The following C9orf85 variants were observed in gnomAD, a reference collection of about 807,000 sequenced individuals.
The protein encoded by C9orf85 is chromosome 9 open reading frame 85.
In C9orf85, 16 loss-of-function variants were observed where a neutral mutation model predicts 14.9. The ratio of observed to expected loss-of-function variants is 1.08; its 90% CI spans 0.73 to 1.63. The LOEUF is 1.63. Ranked by LOEUF, C9orf85 falls within the 40% of genes most tolerant of loss-of-function variation. C9orf85 has a pLI of 0.00. For synonymous variants in C9orf85, 45 were observed against 56.8 expected (o/e 0.79, Z 0.93); for missense variants, 172 against 186.1 (o/e 0.92, Z 0.44).
intron 1 of C9orf85, among the ~76,000 whole-genome samples, chr9:71,916,535 C>T (rs1405219068): frequency 6.6e-6 from 1 of 152,072 alleles, no homozygotes; most frequent in Non-Finnish European, 1.5e-5. Flanking sequence ...TACATAATAC[C>T]TATTGAACTA....
intron 2 of C9orf85, among the ~76,000 whole-genome samples, chr9:71,968,202 C>T (rs1822752544): frequency 6.6e-6 from 1 of 151,798 alleles, no homozygotes; most frequent in African/African-American, 2.4e-5. Context: ...GATTTGCTAA[C>T]ATTTTGTCAT....
chr9:71,975,383 G>C (rs1447262345), downstream of C9orf85, among the ~76,000 whole-genome samples: 1 of 150,404 alleles, frequency 6.6e-6, no homozygotes, highest in Non-Finnish European at 1.5e-5. Context: ...AAAGGTTGCA[G>C]TGAGCCAAGA....
At chr9:71,921,873 T>C (rs1463345083) in intron 1 of C9orf85, among the ~76,000 whole-genome samples, 1 of 152,072 alleles carries the variant, frequency 6.6e-6, no homozygotes, top group Non-Finnish European at 1.5e-5. Flanking sequence ...ACTGAGCTAC[T>C]CTCTTGAAAC....
At chr9:71,930,451 A>G (rs980021324) in intron 1 of C9orf85, among the ~76,000 whole-genome samples, 1 of 152,028 alleles carries the variant, frequency 6.6e-6, no homozygotes, top group African/African-American at 2.4e-5. Flanking sequence ...GTTAATTATG[A>G]TTTGCCACTT....
chr9:71,952,722 AG>A (rs1323300335), intron 2 of C9orf85, among the ~76,000 whole-genome samples: 4 of 152,182 alleles, frequency 2.6e-5, no homozygotes, highest in Admixed American at 6.5e-5. Flanking sequence ...TTTTGCTTTC[AG>A]GCCCTGAAAT....
intron 2 of C9orf85, among the ~76,000 whole-genome samples, chr9:71,954,907 G>A (rs1822344414): frequency 6.6e-6 from 1 of 152,142 alleles, no homozygotes; most frequent in African/African-American, 2.4e-5. Flanking sequence ...CCATAAGGCT[G>A]CCTTCCTAAC....
chr9:71,970,425 A>G (rs1822828530), intron 2 of C9orf85, among the ~76,000 whole-genome samples: 1 of 152,204 alleles, frequency 6.6e-6, no homozygotes, highest in Admixed American at 6.5e-5. Flanking sequence ...TCCTTATAAT[A>G]ATATACTTCC....
chr9:71,924,486 G>T (rs1191779693), intron 1 of C9orf85, among the ~76,000 whole-genome samples: 2 of 152,118 alleles, frequency 1.3e-5, no homozygotes, highest in African/African-American at 4.8e-5. Flanking sequence ...ATGGAGTTAT[G>T]TATATGTAAT....
intron 1 of C9orf85, 47 bp downstream of exon 1, chr9:71,911,883 CT>C: frequency 6.5e-7 from 1 of 1,537,092 alleles, no homozygotes; most frequent in Non-Finnish European, 9.0e-7. Flanking sequence ...GAAGGAATGG[CT>C]CACTGGAGAG....
intron 3 of C9orf85, among the ~76,000 whole-genome samples, chr9:71,972,329 G>A (rs1822897652): frequency 6.6e-6 from 1 of 151,748 alleles, no homozygotes; most frequent in Non-Finnish European, 1.5e-5. Context: ...GCACGATCTT[G>A]GCTCACTGCA....
chr9:71,947,799 A>G (rs1822138127), intron 2 of C9orf85, among the ~76,000 whole-genome samples: 1 of 152,070 alleles, frequency 6.6e-6, no homozygotes, highest in Non-Finnish European at 1.5e-5. Flanking sequence ...GCCCACCACC[A>G]TGCCTGGCTA....
chr9:71,968,938 C>T (rs1003602285), intron 2 of C9orf85, among the ~76,000 whole-genome samples: 4 of 151,370 alleles, frequency 2.6e-5, no homozygotes, highest in African/African-American at 4.9e-5. Context: ...GCAGGAAAGA[C>T]GGTTATGGAA....
chr9:71,966,739 G>C (rs532907532), intron 2 of C9orf85, among the ~76,000 whole-genome samples: 1 of 152,146 alleles, frequency 6.6e-6, no homozygotes, highest in Non-Finnish European at 1.5e-5. Flanking sequence ...AGTTATGAGT[G>C]GGGGAGAAGA....
At chr9:71,981,750 T>G (rs1589279154) in intron 3 of C9orf85, among the ~76,000 whole-genome samples, 3 of 152,332 alleles carry the variant, frequency 2.0e-5, no homozygotes, top group Admixed American at 2.0e-4. Context: ...GGGCTATGAT[T>G]TTTTTGCTGT....
At chr9:71,938,321 C>T (rs375351409) in intron 1 of C9orf85, among the ~76,000 whole-genome samples, 3 of 151,980 alleles carry the variant, frequency 2.0e-5, no homozygotes, top group Non-Finnish European at 4.4e-5. Flanking sequence ...GATAAAAAAG[C>T]GAAGCAAGTT....
chr9:71,950,854 A>T (rs1441309534), intron 2 of C9orf85, among the ~76,000 whole-genome samples: 1 of 152,174 alleles, frequency 6.6e-6, no homozygotes, highest in Non-Finnish European at 1.5e-5. Flanking sequence ...TATAAGTGAC[A>T]TTTCTTTTAG....
chr9:71,946,907 G>C, intron 1 of C9orf85, 99 bp from the exon 2 acceptor site: 1 of 684,130 alleles, frequency 1.5e-6, no homozygotes, highest in East Asian at 2.7e-5. Flanking sequence ...TTAAGGTTCA[G>C]TTATATTTTA....
rs111458003 is a variant in C9orf85 at position 71,932,258 on chromosome 9, CG to C, written c.103-14743del. On this transcript the variant is annotated intron_variant, in intron 1 of 3. Coordinates refer to ENST00000334731, the MANE Select transcript of C9orf85 (RefSeq NM_182505.5). Reference sequence around the variant, plus strand: ...CACTCAGTTTGCCTTGGGAAATGGTCGGGGGAGGAAGAGATTATTTTCATAG... The same window carrying C: ...CACTCAGTTTGCCTTGGGAAATGGTCGGGGAGGAAGAGATTATTTTCATAG... Among the ~76,000 whole-genome samples, 572 of 151,910 alleles carry C rather than the reference CG, an allele frequency of 3.8e-3. 3 individuals are homozygous for C. Among genetic ancestry groups the C allele is most frequent in the Middle Eastern group, 0.014 (4 of 294 alleles).
At chr9:71,958,809 G>C (rs1424073495) in intron 2 of C9orf85, among the ~76,000 whole-genome samples, 1 of 152,018 alleles carries the variant, frequency 6.6e-6, no homozygotes, top group Admixed American at 6.6e-5. Flanking sequence ...ACATAACCAG[G>C]CCACTTTTGC....
Sources: gnomAD v4.1 joint callset for allele counts (sites outside exome capture counted in the v4.1 genomes callset) on GRCh38, gnomAD v4.1.1 for gene constraint, MANE v1.5 for transcripts, NCBI Gene and HGNC (gene_info 2026-07-23, HGNC 2026-07-21) for gene names.